The following TTLL4 variants were observed in gnomAD, a reference collection of about 807,000 sequenced individuals.
TTLL4 encodes tubulin monoglutamylase TTLL4.
A neutral mutation model predicts 122.7 loss-of-function variants in TTLL4; 85 were observed. The observed-to-expected ratio is 0.69, with a 90% confidence interval of 0.58 to 0.83. The LOEUF (loss-of-function observed/expected upper bound fraction) is 0.83. Ranked by LOEUF, TTLL4 falls within the 40% of genes least tolerant of loss-of-function variation. TTLL4 has a pLI of 0.00. For missense variants in TTLL4, 1,363 were observed against 1,488.6 expected (o/e 0.92, Z 1.39); for synonymous variants, 553 against 563.0 (o/e 0.98, Z 0.25).
At chr2:218,745,658 C>A (rs746390226) in intron 6 of TTLL4, 33 bp from the exon 7 acceptor site, 4 of 1,401,306 alleles carry the variant, frequency 2.9e-6, no homozygotes, top group Non-Finnish European at 4.0e-6. Flanking sequence ...TCCTCTCCAT[C>A]CCCCATCCCC....
At chr2:218,749,021 G>A (rs1942940243) in intron 13 of TTLL4, 87 bp downstream of exon 13, 4 of 1,462,160 alleles carry the variant, frequency 2.7e-6, no homozygotes, top group Non-Finnish European at 1.9e-6. Context: ...TCTGGACTTT[G>A]GCCATGCTGT....
At chr2:218,740,893 CA>C (rs1268811254) in intron 5 of TTLL4, among the ~76,000 whole-genome samples, 1 of 151,922 alleles carries the variant, frequency 6.6e-6, no homozygotes, top group Admixed American at 6.6e-5. Context: ...GCCAACATGG[CA>C]AAACCCTGTC....
Position 218,738,948 on chromosome 2 carries a change from T to G in TTLL4, c.1272T>G (p.Leu424=), listed in dbSNP as rs769247465. The G allele has an allele frequency of 4.6e-5, 75 of 1,614,100 alleles. No homozygotes were observed. The highest frequency in any genetic ancestry group is 6.1e-5 in the Non-Finnish European group (72 of 1,180,042). ...CCAAGCGTATCAGCATTCACCTCCTTGCCTCACATGCCAGTGGGCTCAATC... is the reference window on the plus strand; with the variant it reads ...CCAAGCGTATCAGCATTCACCTCCTGGCCTCACATGCCAGTGGGCTCAATC... ...FCTKRISIHL[L]ASHASGLNHN... is the part of the protein sequence containing the mutation. The change falls in exon 3 of 20, where the codon CTT becomes CTG. Residue 424 remains leucine, a synonymous_variant. Transcript: ENST00000392102.
Position 218,738,687 on chromosome 2 carries a change from T to C in TTLL4, c.1011T>C (p.Thr337=). ...SQDPTKEIRF[T]EAVRKLTARG... ...ATCCAACTAAGGAGATTCGGTTCACTGAGGCCGTGAGGAAATTGACCGCAA... is the reference window on the plus strand; with the variant it reads ...ATCCAACTAAGGAGATTCGGTTCACCGAGGCCGTGAGGAAATTGACCGCAA... Residue 337 remains threonine (T), a synonymous_variant, in exon 3 of 20, where the codon ACT becomes ACC. Transcript: ENST00000392102. 1 of 1,614,230 alleles carries C rather than the reference T, an allele frequency of 6.2e-7. No individual in the cohort carries two copies. The highest frequency in any genetic ancestry group is 2.2e-5 in the East Asian group (1 of 44,892).
rs556937977 is a variant in TTLL4 at position 218,738,446 on chromosome 2, G to A, written c.770G>A (p.Gly257Asp). ...CCTGTCTCCTGGCATCATTCAGGGG[G>A]TACTGGAGACTGTGCACCGCAGCCT... ...IQPVSWHHSG[G>D]TGDCAPQPVD... The change falls in exon 3 of 20, where the codon GGT becomes GAT. Residue 257 changes from glycine to aspartate, a missense_variant. Transcript: ENST00000392102. 3.1e-6 allele frequency: 5 copies of A among 1,614,214 alleles called. No homozygotes were observed. The Admixed American group carries it at 8.3e-5, about 27-fold the overall frequency.
At chr2:218,716,483 A>T (rs568982492) in intron 1 of TTLL4, among the ~76,000 whole-genome samples, 1 of 152,196 alleles carries the variant, frequency 6.6e-6, no homozygotes, top group Non-Finnish European at 1.5e-5. Flanking sequence ...TTTTAATGAG[A>T]TTTAATATAA....
intron 2 of TTLL4, among the ~76,000 whole-genome samples, chr2:218,735,151 TATTC>T (rs1471978716): frequency 3.9e-5 from 6 of 152,188 alleles, no homozygotes; most frequent in African/African-American, 1.2e-4. Flanking sequence ...TTGTTGGTGG[TATTC>T]ATTCGTGGCT....
chr2:218,737,449 C>T, intron 2 of TTLL4, 130 bp from the exon 3 acceptor site: 1 of 474,732 alleles, frequency 2.1e-6, no homozygotes, highest in East Asian at 3.3e-5. Context: ...TCCCAGTGCC[C>T]CAAATGACGA....
intron 13 of TTLL4, 124 bp downstream of exon 13, chr2:218,749,058 G>C: frequency 7.9e-7 from 1 of 1,268,518 alleles, no homozygotes; most frequent in Non-Finnish European, 1.1e-6. Context: ...CAGAGAATAG[G>C]AAGGAGTGGC....
intron 1 of TTLL4, among the ~76,000 whole-genome samples, chr2:218,711,423 A>G (rs971138680): frequency 1.3e-5 from 2 of 150,656 alleles, no homozygotes; most frequent in South Asian, 2.1e-4. Context: ...CGAATTTAAC[A>G]TGGATATCTG....
chr2:218,735,990 T>TG (rs1942510867), intron 2 of TTLL4, among the ~76,000 whole-genome samples: 1 of 114,322 alleles, frequency 8.7e-6, no homozygotes, highest in African/African-American at 3.4e-5. Flanking sequence ...TTTTTTTTTT[T>TG]GTGAGACAGG....
At chr2:218,746,509 T>C in intron 8 of TTLL4, 2 of 484,684 alleles carry the variant, frequency 4.1e-6, no homozygotes, top group Non-Finnish European at 7.4e-6. Flanking sequence ...GGTGTAACTC[T>C]GAAATCCTGC....
At chr2:218,748,403 C>CTAG (rs1942908147) in intron 12 of TTLL4, 176 bp downstream of exon 12, 21 of 1,077,454 alleles carry the variant, frequency 1.9e-5, no homozygotes, top group Non-Finnish European at 2.7e-5. Context: ...GCCTGTAATC[C>CTAG]TAGCACTTTG....
chr2:218,742,523 G>A (rs1389279074), intron 5 of TTLL4, among the ~76,000 whole-genome samples: 2 of 152,152 alleles, frequency 1.3e-5, no homozygotes. Context: ...CAAGTCCAGT[G>A]TAAATATTGA....
intron 6 of TTLL4, 105 bp downstream of exon 6, chr2:218,745,338 TGTTGTGGCA>T: frequency 6.7e-7 from 1 of 1,489,522 alleles, no homozygotes; most frequent in Non-Finnish European, 9.2e-7. Flanking sequence ...CCAGAATGGC[TGTTGTGGCA>T]GTTGTCACAC....
chr2:218,720,786 A>G (rs536924929), intron 1 of TTLL4, among the ~76,000 whole-genome samples: 2 of 152,162 alleles, frequency 1.3e-5, no homozygotes, highest in African/African-American at 4.8e-5. Flanking sequence ...TGCTAATGAG[A>G]TGATTGATAG....
chr2:218,716,605 C>T (rs1279534040), intron 1 of TTLL4, among the ~76,000 whole-genome samples: 4 of 152,092 alleles, frequency 2.6e-5, no homozygotes, highest in African/African-American at 4.8e-5. Flanking sequence ...CTGGCTAACA[C>T]GGTGAAACCC....
rs1243648335 is a variant in TTLL4, at chr2:218,738,712, A to G, written c.1036A>G (p.Arg346Gly). ...FTEAVRKLTA[R>G]GFEKMPRQGC... ...TGAGGCCGTGAGGAAATTGACCGCA[A>G]GAGGCTTTGAGAAGATGCCGAGGCA... The change falls in exon 3 of 20, where the codon AGA becomes GGA. Residue 346 changes from arginine (R) to glycine (G), a missense_variant. By Grantham distance (125) the Arg-to-Gly change is moderately radical. This residue lies in a region of TTLL4 where 760 missense variants were observed against 808.4 expected (regional missense o/e 0.94). Coordinates refer to ENST00000392102, the MANE Select transcript of TTLL4 (RefSeq NM_014640.5). 1 of 1,614,238 alleles carries G rather than the reference A, an allele frequency of 6.2e-7. No individual in the cohort carries two copies. The highest frequency in any genetic ancestry group is 1.1e-5 in the South Asian group (1 of 91,090).
In TTLL4 at chr2:218,745,253, A is replaced by G. The variant is rs763262206; in HGVS notation, c.1786+20A>G. 3.7e-6 allele frequency: 6 copies of G among 1,613,664 alleles called. No individual in the cohort carries two copies. The highest frequency in any genetic ancestry group is 1.1e-5 in the South Asian group (1 of 91,078). On this transcript the variant is annotated intron_variant, in intron 6 of 19. Transcript: ENST00000392102. Reference sequence around the variant, plus strand: ...AGAGAGGTAAACCTGGCCAAGTGTCAAAGCCCAGAAGAGCCCCCGGGGAGA... The same window carrying G: ...AGAGAGGTAAACCTGGCCAAGTGTCGAAGCCCAGAAGAGCCCCCGGGGAGA...
Sources: allele counts gnomAD v4.1 joint callset (sites outside exome capture counted in the v4.1 genomes callset), GRCh38; gene constraint gnomAD v4.1.1; regional missense constraint gnomAD v4.1.1; transcripts MANE v1.5; gene names NCBI Gene and HGNC (gene_info 2026-07-23, HGNC 2026-07-21).